The following KLF3 variants were observed in gnomAD, a reference collection of about 807,000 sequenced individuals.
KLF3 encodes KLF transcription factor 3, also known as Krueppel-like factor 3.
KLF3 carries 6 observed loss-of-function variants against 32.7 expected under a neutral mutation model. The ratio of observed to expected loss-of-function variants is 0.18; its 90% CI spans 0.10 to 0.36. The LOEUF (loss-of-function observed/expected upper bound fraction) is 0.36. Among genes scored for constraint, KLF3 ranks in the 10% least tolerant of loss-of-function variants. The pLI is 1.00. For synonymous variants in KLF3, 145 were observed against 172.8 expected, an observed-to-expected ratio of 0.84 and a Z score of 1.26; for missense variants, 338 against 449.7, an observed-to-expected ratio of 0.75 and a Z score of 2.25.
chr4:38,679,067 A>C lies in KLF3; in HGVS notation c.-39-1520A>C, dbSNP rs559248589. ...GACTGTACAGAACACAGAAGAAAAT[A>C]GAAGGGATGGCAAGCAGAGAACAAC... On this transcript the variant is annotated intron_variant, in intron 1 of 5. Coordinates refer to ENST00000261438, the MANE Select transcript of KLF3 (RefSeq NM_016531.6). Among the ~76,000 whole-genome samples the C allele has an allele frequency of 6.6e-5, 10 of 152,334 alleles. No individual in the cohort carries two copies. In the East Asian group the frequency reaches 1.9e-3, roughly 29 times the overall value.
chr4:38,694,072 C>T (rs533395749), intron 4 of KLF3, among the ~76,000 whole-genome samples: 12 of 152,310 alleles, frequency 7.9e-5, no homozygotes, highest in African/African-American at 2.9e-4. Flanking sequence ...ACAGGAATCA[C>T]AGTGACAGTG....
Position 38,700,644 on chromosome 4 carries a change from AG to A in KLF3, c.*3384del, listed in dbSNP as rs1320093814. ...TTTTCTGTTATGTACTTAGTGTTAG[AG>A]GGTCAAAATAATCTTTCTGCTTAGC... On this transcript the variant is annotated 3_prime_UTR_variant, in exon 6 of 6. Coordinates refer to ENST00000261438, the MANE Select transcript of KLF3 (RefSeq NM_016531.6). The A allele has an allele frequency of 6.6e-6, 1 of 152,192 alleles. No homozygotes were observed. The highest frequency in any genetic ancestry group is 1.9e-4 in the East Asian group (1 of 5,204). The allele number at this position is 152,192 out of a possible 1,614,324, so 9.4% of individuals were successfully genotyped here.
Position 38,688,940 on chromosome 4 carries a change from G to A in KLF3, c.413G>A (p.Ser138Asn), listed in dbSNP as rs376784680. 6.2e-7 allele frequency: 1 copy of A among 1,614,120 alleles called. No homozygotes were observed. Among genetic ancestry groups the A allele is most frequent in the Admixed American group, 1.7e-5 (1 of 60,010 alleles). Residue 138 changes from serine to asparagine, a missense_variant, in exon 3 of 6, where the codon AGC becomes AAC. Ser to Asn is a conservative substitution (Grantham distance 46). Around this residue, in one of 2 missense-constraint regions of KLF3, gnomAD observed 272 missense variants for 313.4 expected, o/e 0.87. Coordinates refer to ENST00000261438, the MANE Select transcript of KLF3 (RefSeq NM_016531.6). This position sits in a 1 kb window ranked among gnomAD's most constrained non-coding sequence, Gnocchi z 4.9. ...GCCCTCTCGCGGCATGGAATACGGA[G>A]CCCGGGGATCCTGCCCGTCATCCAG... ...AAALSRHGIR[S>N]PGILPVIQPV...
intron 1 of KLF3, among the ~76,000 whole-genome samples, chr4:38,667,188 A>G (rs1222357531): frequency 6.6e-6 from 1 of 152,198 alleles, no homozygotes; most frequent in African/African-American, 2.4e-5. Flanking sequence ...CCAGCTGCTC[A>G]TGAATATAGG....
intron 4 of KLF3, among the ~76,000 whole-genome samples, chr4:38,693,115 T>TATATGTATATATATAC (rs1722930566): frequency 7.9e-5 from 3 of 38,098 alleles, no homozygotes; most frequent in African/African-American, 3.0e-4. Flanking sequence ...TACATATATA[T>TATATGTATATATATAC]ACATATATAT....
chr4:38,683,890 T>A (rs770639284), intron 2 of KLF3, among the ~76,000 whole-genome samples: 10 of 152,232 alleles, frequency 6.6e-5, no homozygotes, highest in Admixed American at 2.6e-4. Flanking sequence ...AAACTTTTCA[T>A]GGCTTTTTCA....
At chr4:38,691,399 T>C (rs926359247) in intron 4 of KLF3, among the ~76,000 whole-genome samples, 45 of 152,234 alleles carry the variant, frequency 3.0e-4, no homozygotes, top group Admixed American at 7.9e-4. Context: ...GGGATGTTTC[T>C]GGCAAGGTAA....
chr4:38,669,516 G>T (rs746832323), intron 1 of KLF3, among the ~76,000 whole-genome samples: 5 of 152,090 alleles, frequency 3.3e-5, no homozygotes, highest in African/African-American at 4.8e-5. Flanking sequence ...CTCTTTGCTT[G>T]AAATTTAGTA....
At chr4:38,684,800 C>T (rs1360837131) in intron 2 of KLF3, among the ~76,000 whole-genome samples, 1 of 152,136 alleles carries the variant, frequency 6.6e-6, no homozygotes, top group African/African-American at 2.4e-5. Context: ...AAGATATCCT[C>T]CTGCCTCAGC....
rs1425825871 is a variant in KLF3 at position 38,701,203 on chromosome 4, C to T, written c.*3940C>T. 1.3e-5 allele frequency among the ~76,000 whole-genome samples: 2 copies of T among 152,186 alleles called. No homozygotes were observed. Among genetic ancestry groups the T allele is most frequent in the African/African-American group, 4.8e-5 (2 of 41,436 alleles). ...CTGGAAGATGAACTACCGGAATTAA[C>T]TCAGCCCTCAAGCTATGTCCCTGGT... is the stretch of plus-strand genomic sequence containing the variant. On this transcript the variant is annotated 3_prime_UTR_variant, in exon 6 of 6. Coordinates refer to ENST00000261438, the MANE Select transcript of KLF3 (RefSeq NM_016531.6).
intron 1 of KLF3, among the ~76,000 whole-genome samples, chr4:38,673,582 A>G (rs1722261210): frequency 6.6e-6 from 1 of 152,174 alleles, no homozygotes; most frequent in Admixed American, 6.5e-5. Flanking sequence ...CTAGTAGGGA[A>G]AATGATTCGA....
intron 1 of KLF3, among the ~76,000 whole-genome samples, chr4:38,673,489 G>A (rs1190429259): frequency 6.6e-6 from 1 of 152,220 alleles, no homozygotes; most frequent in Non-Finnish European, 1.5e-5. Flanking sequence ...TAGACATTAT[G>A]GGTATTTTTC....
At chr4:38,665,613 TTA>T (rs1392172645) in intron 1 of KLF3, among the ~76,000 whole-genome samples, 2 of 152,356 alleles carry the variant, frequency 1.3e-5, no homozygotes, top group African/African-American at 2.4e-5. Flanking sequence ...TACTCAGAAT[TTA>T]TGTTTCCATT....
chr4:38,687,727 C>T (rs987261450), intron 2 of KLF3, among the ~76,000 whole-genome samples: 2 of 152,144 alleles, frequency 1.3e-5, no homozygotes, highest in Admixed American at 1.3e-4. Flanking sequence ...CTTATAGTTC[C>T]GTGTCATCCA....
intron 4 of KLF3, 178 bp downstream of exon 4, chr4:38,690,057 T>G: frequency 1.9e-6 from 1 of 523,700 alleles, no homozygotes; most frequent in East Asian, 3.2e-5. Flanking sequence ...CCAAAAACAA[T>G]ATGCTGTTAC....
intron 4 of KLF3, among the ~76,000 whole-genome samples, chr4:38,694,325 T>C (rs1722983183): frequency 6.6e-6 from 1 of 152,148 alleles, no homozygotes; most frequent in African/African-American, 2.4e-5. Context: ...AAAAATATAG[T>C]GTTCAGCATT....
intron 5 of KLF3, 53 bp from the exon 6 acceptor site, chr4:38,697,029 C>A: frequency 2.8e-6 from 4 of 1,443,416 alleles, no homozygotes; most frequent in Non-Finnish European, 3.8e-6. Context: ...ACTCAAAGAT[C>A]TTTACTACCT....
At position 38,671,149 on chromosome 4, in the gene KLF3, G is replaced by A. The variant is rs1280498891; in HGVS notation, c.-40+6688G>A. Among the ~76,000 whole-genome samples the A allele has an allele frequency of 1.1e-4, 16 of 152,214 alleles. No homozygotes were observed. The highest frequency in any genetic ancestry group is 2.2e-4 in the Non-Finnish European group (15 of 68,040). Reference sequence around the variant, plus strand: ...AGCAGAACAGAAAGTGCCCGGGTCTGCAGGCAGACACGCTTCTGTTCCTGG... The same window carrying A: ...AGCAGAACAGAAAGTGCCCGGGTCTACAGGCAGACACGCTTCTGTTCCTGG... On this transcript the variant is annotated intron_variant, in intron 1 of 5. Coordinates refer to ENST00000261438, the MANE Select transcript of KLF3 (RefSeq NM_016531.6). This position sits in a 1 kb window ranked among gnomAD's most constrained non-coding sequence, Gnocchi z 4.4.
chr4:38,700,259 T>C lies in KLF3; in HGVS notation c.*2996T>C, dbSNP rs545975240. 22 of 152,354 alleles carry C rather than the reference T, an allele frequency of 1.4e-4. No individual in the cohort carries two copies. The South Asian group carries it at 4.4e-3, about 30-fold the overall frequency. 9.4% of individuals were successfully genotyped at this position (152,354 alleles called of 1,614,324 possible). ...TTGGAACAGAATTACAGGGGAACTATATATGTATATGTATATTTTATTAAA... is the reference window on the plus strand; with the variant it reads ...TTGGAACAGAATTACAGGGGAACTACATATGTATATGTATATTTTATTAAA... On this transcript the variant is annotated 3_prime_UTR_variant, in exon 6 of 6. Transcript: ENST00000261438.
Sources: allele counts gnomAD v4.1 joint callset (sites outside exome capture counted in the v4.1 genomes callset), GRCh38; gene constraint gnomAD v4.1.1; regional missense constraint gnomAD v4.1.1; non-coding constraint Gnocchi (gnomAD v3.1); transcripts MANE v1.5; gene names NCBI Gene and HGNC (gene_info 2026-07-23, HGNC 2026-07-21).